Variants in UHMK1 observed in about 807,000 individuals in gnomAD.
The protein encoded by UHMK1 is serine/threonine-protein kinase Kist.
Under a neutral mutation model 44.0 loss-of-function variants are expected in UHMK1, and 18 were observed. The ratio of observed to expected loss-of-function variants is 0.41; its 90% CI spans 0.28 to 0.61. The LOEUF (loss-of-function observed/expected upper bound fraction) is 0.61. UHMK1 is among the 20% of genes least tolerant of loss of function. UHMK1 has a pLI of 0.31. For missense variants in UHMK1, 463 were observed against 522.5 expected (o/e 0.89, Z 1.11); for synonymous variants, 231 against 198.5 (o/e 1.16, Z -1.38).
rs781750691 is a variant in UHMK1 at position 162,522,489 on chromosome 1, T to C, written c.1199T>C (p.Val400Ala). The C allele has an allele frequency of 1.2e-6, 2 of 1,614,228 alleles. No individual in the cohort carries two copies. The highest frequency in any genetic ancestry group is 2.2e-5 in the South Asian group (2 of 91,080). Residue 400 changes from valine to alanine, a missense_variant, in exon 8 of 8, where the codon GTG (valine) becomes GCG (alanine). This residue lies in a region of UHMK1 where 264 missense variants were observed against 326.3 expected (regional missense o/e 0.81). Coordinates refer to ENST00000489294, the MANE Select transcript of UHMK1 (RefSeq NM_175866.5). ...TGRMFDGKFVVATFYPLSAYK... is the reference protein window; with the variant it reads ...TGRMFDGKFVAATFYPLSAYK... ...AGGATGTTTGATGGGAAGTTTGTTG[T>C]GGCTACATTCTACCCGCTGAGTGCC... is the stretch of plus-strand genomic sequence containing the variant.
rs1652176930 is a variant in UHMK1, at chr1:162,524,546, A to T, written c.*1996A>T. ...AGCAGATTTTGTGGTGATTAGAAAC[A>T]TCAGGTCCTTAAATACGATGAACAT... is the stretch of plus-strand genomic sequence containing the variant. On this transcript the variant is annotated 3_prime_UTR_variant, in exon 8 of 8. Coordinates refer to ENST00000489294, the MANE Select transcript of UHMK1 (RefSeq NM_175866.5). The T allele has an allele frequency of 6.6e-6, 1 of 152,220 alleles. No homozygotes were observed. The highest frequency in any genetic ancestry group is 6.5e-5 in the Admixed American group (1 of 15,274). 9.4% of individuals were successfully genotyped at this position (152,220 alleles called of 1,614,324 possible). A position where few individuals can be genotyped will look rare whatever the true frequency, so the allele number is the denominator to read the frequency against.
chr1:162,509,648 A>ATG (rs372318276), intron 4 of UHMK1, among the ~76,000 whole-genome samples: 5 of 151,630 alleles, frequency 3.3e-5, no homozygotes, highest in African/African-American at 4.8e-5. Flanking sequence ...TTTTTTTCGT[A>ATG]TGTGTGTGTG....
At chr1:162,505,730 G>A (rs189736424) in intron 4 of UHMK1, among the ~76,000 whole-genome samples, 2 of 152,314 alleles carry the variant, frequency 1.3e-5, no homozygotes, top group Non-Finnish European at 2.9e-5. Context: ...ACTATGGACT[G>A]GAAGTGAATA....
At chr1:162,497,661 TG>T, upstream of UHMK1, 1 of 688,616 alleles carries the variant, frequency 1.5e-6, no homozygotes, top group Non-Finnish European at 2.0e-6. Flanking sequence ...CGGTTAACAC[TG>T]GGCCTGGAAT....
Position 162,514,289 on chromosome 1 carries a change from GA to G in UHMK1, c.1024+1480del, listed in dbSNP as rs745897881. Reference sequence around the variant, plus strand: ...GGGCAACAGAGTGAGACCATCTCTGGAAAAAAAAAAAAAAGAGGGTAGACTG... The same window carrying G: ...GGGCAACAGAGTGAGACCATCTCTGGAAAAAAAAAAAAAGAGGGTAGACTG... On this transcript the variant is annotated intron_variant, in intron 6 of 7. Coordinates refer to ENST00000489294, the MANE Select transcript of UHMK1 (RefSeq NM_175866.5). 3.3e-3 allele frequency among the ~76,000 whole-genome samples: 440 copies of G among 132,808 alleles called. 2 individuals carry two copies. Among genetic ancestry groups the G allele is most frequent in the African/African-American group, 7.2e-3 (262 of 36,516 alleles). The allele number at this position is 132,808 out of a possible 152,430, so 87.1% of individuals were successfully genotyped here. A position where few individuals can be genotyped will look rare whatever the true frequency, so the allele number is the denominator to read the frequency against.
intron 2 of UHMK1, 127 bp downstream of exon 2, chr1:162,500,374 AGGG>A (rs59937530): frequency 0.46 from 516,734 of 1,115,830 alleles, 120,123 homozygotes; most frequent in East Asian, 0.5. Flanking sequence ...CTGAAATGCC[AGGG>A]GATGCAGTAA....
chr1:162,503,699 TATTC>T (rs1651361872), intron 3 of UHMK1, 51 bp from the exon 4 acceptor site: 14 of 1,275,338 alleles, frequency 1.1e-5, no homozygotes, highest in Non-Finnish European at 1.6e-5. Flanking sequence ...ATATGCCTAG[TATTC>T]AATAAATACA....
At position 162,527,309 on chromosome 1, in the gene UHMK1, G is replaced by T. The variant is rs1324892344; in HGVS notation, c.*4759G>T. ...TCACAGTAGCATGTACTTGACAAGT[G>T]CCATGGATATTTAAGAAGAAGGTAA... is the stretch of plus-strand genomic sequence containing the variant. On this transcript the variant is annotated 3_prime_UTR_variant, in exon 8 of 8. Coordinates refer to ENST00000489294, the MANE Select transcript of UHMK1 (RefSeq NM_175866.5). 1 of 151,950 alleles carries T rather than the reference G, an allele frequency of 6.6e-6. No homozygotes were observed. The highest frequency in any genetic ancestry group is 1.5e-5 in the Non-Finnish European group (1 of 67,922). 9.4% of individuals were successfully genotyped at this position (151,950 alleles called of 1,614,324 possible).
Position 162,500,046 on chromosome 1 carries a change from A to G in UHMK1, c.360A>G (p.Glu120=). ...AACTCCTGGATGTCAGTGTTTCGGA[A>G]TTGCTCTTATATTCCAGTCACCAGG... ...LLELLDVSVS[E]LLLYSSHQGC... Residue 120 remains glutamate (E), a synonymous_variant, in exon 2 of 8, where the codon GAA becomes GAG. Coordinates refer to ENST00000489294, the MANE Select transcript of UHMK1 (RefSeq NM_175866.5). 6.2e-7 allele frequency: 1 copy of G among 1,614,166 alleles called. No homozygotes were observed. Among genetic ancestry groups the G allele is most frequent in the Non-Finnish European group, 8.5e-7 (1 of 1,180,030 alleles).
rs745897881 is a variant in UHMK1, at chr1:162,514,289, GAA to G, written c.1024+1479_1024+1480del. On this transcript the variant is annotated intron_variant, in intron 6 of 7. Coordinates refer to ENST00000489294, the MANE Select transcript of UHMK1 (RefSeq NM_175866.5). ...GGGCAACAGAGTGAGACCATCTCTG[GAA>G]AAAAAAAAAAAAGAGGGTAGACTGA... 3.8e-5 allele frequency among the ~76,000 whole-genome samples: 5 copies of G among 132,950 alleles called. No individual in the cohort carries two copies. The South Asian group carries it at 1.2e-3, about 32-fold the overall frequency. 87.2% of individuals were successfully genotyped at this position (132,950 alleles called of 152,430 possible). A position where few individuals can be genotyped will look rare whatever the true frequency, so the allele number is the denominator to read the frequency against.
chr1:162,507,181 A>T (rs557829837), intron 4 of UHMK1, among the ~76,000 whole-genome samples: 1 of 150,796 alleles, frequency 6.6e-6, no homozygotes, highest in South Asian at 2.1e-4. Context: ...GTACAGTGGC[A>T]TGATCTCGGC....
intron 4 of UHMK1, among the ~76,000 whole-genome samples, chr1:162,511,314 A>G (rs1242792870): frequency 6.7e-6 from 1 of 148,322 alleles, no homozygotes; most frequent in Non-Finnish European, 1.5e-5. Context: ...CTACAGATGC[A>G]TGCCACCACA....
intron 7 of UHMK1, among the ~76,000 whole-genome samples, chr1:162,519,282 C>G (rs1007007180): frequency 1.3e-5 from 2 of 149,808 alleles, no homozygotes; most frequent in African/African-American, 4.9e-5. Context: ...CTTTATGGCA[C>G]TCCAGCCTGG....
At chr1:162,499,222 C>G (rs1050521202) in intron 1 of UHMK1, among the ~76,000 whole-genome samples, 1 of 151,922 alleles carries the variant, frequency 6.6e-6, no homozygotes, top group African/African-American at 2.4e-5. Flanking sequence ...GTCACCCAGG[C>G]TGGAGTACAA....
At position 162,518,182 on chromosome 1, in the gene UHMK1, A is replaced by G. The variant is rs751432892; in HGVS notation, c.1105A>G (p.Arg369Gly). The G allele has an allele frequency of 6.2e-7, 1 of 1,609,536 alleles. No individual in the cohort carries two copies. The highest frequency in any genetic ancestry group is 8.5e-7 in the Non-Finnish European group (1 of 1,175,948). ...ACTTGTTCCAAAGGAAAATCCTGGCAGAGGACAAGTAAGTGAATATTTTCA... is the reference window on the plus strand; with the variant it reads ...ACTTGTTCCAAAGGAAAATCCTGGCGGAGGACAAGTAAGTGAATATTTTCA... ...SLLVPKENPG[R>G]GQVFVEYANA... Residue 369 changes from arginine (R) to glycine (G), a missense_variant, in exon 7 of 8, where the codon AGA (arginine) becomes GGA (glycine). Arg to Gly is a moderately radical substitution (Grantham distance 125). Around this residue, in one of 3 missense-constraint regions of UHMK1, gnomAD observed 264 missense variants for 326.3 expected, o/e 0.81. Coordinates refer to ENST00000489294, the MANE Select transcript of UHMK1 (RefSeq NM_175866.5).
At chr1:162,509,728 G>A (rs1365860591) in intron 4 of UHMK1, among the ~76,000 whole-genome samples, 5 of 152,088 alleles carry the variant, frequency 3.3e-5, no homozygotes, top group Non-Finnish European at 7.4e-5. Flanking sequence ...TGCAACCTCC[G>A]CCTCCCAGGT....
In UHMK1 at chr1:162,526,414, T is replaced by A. The variant is rs1652254495; in HGVS notation, c.*3864T>A. The A allele has an allele frequency of 6.6e-6, 1 of 152,064 alleles. No homozygotes were observed. The highest frequency in any genetic ancestry group is 2.4e-5 in the African/African-American group (1 of 41,396). The allele number at this position is 152,064 out of a possible 1,614,324, so 9.4% of individuals were successfully genotyped here. The stretch of plus-strand genomic sequence containing the variant: ...ATTTACCTAGACACTTATGCAGGGG[T>A]ACATGCTAGGTGGCTTTATTCAGAT... On this transcript the variant is annotated 3_prime_UTR_variant, in exon 8 of 8. Transcript: ENST00000489294.
intron 4 of UHMK1, among the ~76,000 whole-genome samples, chr1:162,504,341 G>A (rs1026550330): frequency 1.6e-4 from 24 of 152,290 alleles, no homozygotes; most frequent in Non-Finnish European, 2.6e-4. Context: ...GTGTACAGTC[G>A]TGTCATTTAA....
At chr1:162,511,914 C>A (rs1309792759) in intron 4 of UHMK1, among the ~76,000 whole-genome samples, 1 of 151,500 alleles carries the variant, frequency 6.6e-6, no homozygotes, top group Non-Finnish European at 1.5e-5. Context: ...TTTTTTTTTC[C>A]CTGGGCTCTC....
Sources: allele counts gnomAD v4.1 joint callset (sites outside exome capture counted in the v4.1 genomes callset), GRCh38; gene constraint gnomAD v4.1.1; regional missense constraint gnomAD v4.1.1; transcripts MANE v1.5; gene names NCBI Gene and HGNC (gene_info 2026-07-23, HGNC 2026-07-21).